Variants in PKHD1 observed in about 807,000 individuals in gnomAD.
PKHD1 encodes PKHD1 ciliary IPT domain containing fibrocystin/polyductin.
In PKHD1, 291 loss-of-function variants were observed where a neutral mutation model predicts 412.0. That is an observed-to-expected ratio of 0.71 (90% CI 0.64 to 0.78). The LOEUF (loss-of-function observed/expected upper bound fraction) is 0.78. PKHD1 is among the 30% of genes least tolerant of loss of function. The pLI is 0.00. For synonymous variants in PKHD1, 1,777 were observed against 1,821.5 expected (o/e 0.98, Z 0.62); for missense variants, 4,825 against 4,950.7 (o/e 0.97, Z 0.76).
chr6:51,996,792 G>T (rs1362955740), intron 35 of PKHD1, among the ~76,000 whole-genome samples: 1 of 152,248 alleles, frequency 6.6e-6, no homozygotes, highest in Non-Finnish European at 1.5e-5. Context: ...AGTGGCCTTA[G>T]TGTAGCTATA....
chr6:51,704,991 G>C (rs1304391645), intron 60 of PKHD1, among the ~76,000 whole-genome samples: 1 of 152,088 alleles, frequency 6.6e-6, no homozygotes, highest in Non-Finnish European at 1.5e-5. Context: ...GTCTGAGGTA[G>C]TGGTGGCTCC....
chr6:52,063,269 T>C (rs1364035515), intron 13 of PKHD1, among the ~76,000 whole-genome samples: 1 of 152,232 alleles, frequency 6.6e-6, no homozygotes, highest in Admixed American at 6.5e-5. Flanking sequence ...GCAATCAATA[T>C]TGAATGCTAA....
Position 51,748,200 on chromosome 6 carries a change from T to G in PKHD1, c.9416A>C (p.Asp3139Ala), listed in dbSNP as rs45600034. Residue 3139 changes from aspartate (D) to alanine (A), a missense_variant, in exon 58 of 67, where the codon GAC becomes GCC. Coordinates refer to ENST00000371117, the MANE Select transcript of PKHD1 (RefSeq NM_138694.4). ...GLHLYKESGL[D>A]NCTRISGFLA... ...GAAGCCAGAGATTCTGGTACAGTTG[T>G]CAAGTCCACTTTCCTTATAGAGATG... The G allele has an allele frequency of 4.3e-6, 7 of 1,613,966 alleles. No individual in the cohort carries two copies. Among genetic ancestry groups the G allele is most frequent in the Non-Finnish European group, 5.1e-6 (6 of 1,179,982 alleles).
chr6:51,915,717 T>G (rs1013286570), intron 37 of PKHD1, among the ~76,000 whole-genome samples: 4 of 151,916 alleles, frequency 2.6e-5, no homozygotes, highest in African/African-American at 9.7e-5. Context: ...TCATGGCAGG[T>G]ACCAGCAGTA....
intron 35 of PKHD1, among the ~76,000 whole-genome samples, chr6:51,962,141 A>G (rs1180714621): frequency 6.6e-6 from 1 of 152,116 alleles, no homozygotes; most frequent in Non-Finnish European, 1.5e-5. Flanking sequence ...CTAGCAAGCT[A>G]GGAAGAATGA....
Position 51,627,062 on chromosome 6 carries a change from A to T in PKHD1, c.11720T>A (p.Ile3907Asn). 1 of 1,610,846 alleles carries T rather than the reference A, an allele frequency of 6.2e-7. No individual in the cohort carries two copies. The highest frequency in any genetic ancestry group is 2.2e-5 in the East Asian group (1 of 44,854). Residue 3907 changes from isoleucine (I) to asparagine (N), a missense_variant, in exon 66 of 67, where the codon ATC becomes AAC. Coordinates refer to ENST00000371117, the MANE Select transcript of PKHD1 (RefSeq NM_138694.4). ...ESQTNNQNIH[I>N]HISSKRRESQ... ...TTCTCGGCGTTTGGATGAGATGTGG[A>T]TATGAATATTTTGATTATTAGTCTG...
chr6:51,841,838 T>C (rs1252212969), intron 50 of PKHD1, among the ~76,000 whole-genome samples: 1 of 152,210 alleles, frequency 6.6e-6, no homozygotes, highest in Non-Finnish European at 1.5e-5. Flanking sequence ...AGAAGATTTA[T>C]GCAAGCAGCC....
intron 55 of PKHD1, among the ~76,000 whole-genome samples, chr6:51,759,735 T>C (rs944662396): frequency 6.6e-6 from 1 of 152,124 alleles, no homozygotes; most frequent in African/African-American, 2.4e-5. Context: ...ACACCTCATG[T>C]GCATTAACTC....
chr6:51,953,061 G>A (rs970754831), intron 36 of PKHD1, among the ~76,000 whole-genome samples: 12 of 152,098 alleles, frequency 7.9e-5, no homozygotes, highest in African/African-American at 2.4e-4. Context: ...TTTGAAGTCA[G>A]GCTCCAGTTT....
At chr6:51,808,505 G>C (rs977300403) in intron 52 of PKHD1, among the ~76,000 whole-genome samples, 9 of 107,646 alleles carry the variant, frequency 8.4e-5, no homozygotes, top group African/African-American at 2.8e-4. Flanking sequence ...AATTAAAAAA[G>C]AATCTCTCAC....
At position 51,616,847 on chromosome 6, in the gene PKHD1, T is replaced by C; in HGVS notation, c.*2234A>G. 2.5e-6 allele frequency: 1 copy of C among 392,950 alleles called. No individual in the cohort carries two copies. Among genetic ancestry groups the C allele is most frequent in the Non-Finnish European group, 4.5e-6 (1 of 222,786 alleles). 24.3% of individuals were successfully genotyped at this position (392,950 alleles called of 1,614,324 possible). On this transcript the variant is annotated 3_prime_UTR_variant, in exon 67 of 67. Transcript: ENST00000371117. ...AAGAAGGGTAAAGAAGGGGCAGAAA[T>C]AACAGAGCTGGCAGCTAACTCTTTG...
Position 51,937,459 on chromosome 6 carries a change from G to A in PKHD1, c.5909-3137C>T, listed in dbSNP as rs143720720. Reference sequence around the variant, plus strand: ...AGAGTTTGACTCTTTTCATTTAATTGTTTACCTCCGTCTTAGTGCAGAGAC... The same window carrying A: ...AGAGTTTGACTCTTTTCATTTAATTATTTACCTCCGTCTTAGTGCAGAGAC... On this transcript the variant is annotated intron_variant, in intron 36 of 66. Coordinates refer to ENST00000371117, the MANE Select transcript of PKHD1 (RefSeq NM_138694.4). Among the ~76,000 whole-genome samples the A allele has an allele frequency of 2.7e-3, 410 of 152,210 alleles. 1 individual carries two copies. The highest frequency in any genetic ancestry group is 9.4e-3 in the African/African-American group (389 of 41,512).
chr6:51,660,003 T>G (rs748090402), intron 60 of PKHD1, 34 bp from the exon 61 acceptor site: 1 of 1,258,140 alleles, frequency 7.9e-7, no homozygotes, highest in Non-Finnish European at 1.2e-6. Context: ...AAGTGATATA[T>G]GAATTATAAT....
intron 33 of PKHD1, among the ~76,000 whole-genome samples, chr6:52,020,416 C>T (rs1242769060): frequency 6.6e-6 from 1 of 152,196 alleles, no homozygotes; most frequent in Non-Finnish European, 1.5e-5. Context: ...TTGTATAGAA[C>T]AGCTTCCTCA....
intron 51 of PKHD1, among the ~76,000 whole-genome samples, chr6:51,833,651 G>C (rs1370185136): frequency 6.6e-6 from 1 of 152,142 alleles, no homozygotes; most frequent in Admixed American, 6.5e-5. Context: ...TCTGGTAAGA[G>C]AGAGAATTAG....
chr6:51,772,852 G>C, intron 54 of PKHD1, 63 bp from the exon 55 acceptor site: 1 of 908,728 alleles, frequency 1.1e-6, no homozygotes, highest in Non-Finnish European at 1.9e-6. Context: ...AGCCAGGTAA[G>C]TAAAAGTCAT....
intron 60 of PKHD1, among the ~76,000 whole-genome samples, chr6:51,705,564 A>C (rs1779922519): frequency 6.6e-6 from 1 of 152,120 alleles, no homozygotes; most frequent in African/African-American, 2.4e-5. Flanking sequence ...TCAGAACTCC[A>C]CGATACACCT....
At chr6:51,796,817 A>T (rs866929678) in intron 52 of PKHD1, among the ~76,000 whole-genome samples, 3,283 of 136,852 alleles carry the variant, frequency 0.024, 60 homozygotes, top group Middle Eastern at 0.036. Context: ...TTTTGAATAG[A>T]TTTTTTTTTT....
intron 36 of PKHD1, among the ~76,000 whole-genome samples, chr6:51,935,037 T>C (rs1270716182): frequency 2.0e-5 from 3 of 152,166 alleles, no homozygotes; most frequent in African/African-American, 7.2e-5. Flanking sequence ...CCTGCCCATC[T>C]CCCTGCCTGC....
Sources: allele counts gnomAD v4.1 joint callset (sites outside exome capture counted in the v4.1 genomes callset), GRCh38; gene constraint gnomAD v4.1.1; transcripts MANE v1.5; gene names NCBI Gene and HGNC (gene_info 2026-07-23, HGNC 2026-07-21).